The following ABCA13 variants were observed in gnomAD, a reference collection of about 807,000 sequenced individuals.
ABCA13 encodes ATP binding cassette subfamily A member 13.
A neutral mutation model predicts 478.7 loss-of-function variants in ABCA13; 476 were observed. The observed-to-expected ratio is 0.99, with a 90% confidence interval of 0.92 to 1.07. The LOEUF (loss-of-function observed/expected upper bound fraction) is 1.07, where lower values mean the gene tolerates loss of function less well. Ranked by LOEUF, ABCA13 falls within the 50% of genes least tolerant of loss-of-function variation. ABCA13 has a pLI of 0.00. For synonymous variants in ABCA13, 2,252 were observed against 2,158.9 expected (o/e 1.04, Z -1.20); for missense variants, 6,060 against 5,910.6 (o/e 1.03, Z -0.83).
intron 58 of ABCA13, among the ~76,000 whole-genome samples, chr7:48,611,637 T>C (rs62447353): frequency 0.055 from 8,307 of 151,940 alleles, 267 homozygotes; most frequent in South Asian, 0.11. Context: ...AACAAACAGA[T>C]CTCACAAGAA....
At chr7:48,595,345 A>G (rs1790172651) in intron 58 of ABCA13, among the ~76,000 whole-genome samples, 1 of 152,264 alleles carries the variant, frequency 6.6e-6, no homozygotes, top group Non-Finnish European at 1.5e-5. Flanking sequence ...TATAGATTTC[A>G]TAAAACCTAC....
At chr7:48,391,816 A>C in intron 37 of ABCA13, 105 bp from the exon 38 acceptor site, 1 of 1,054,136 alleles carries the variant, frequency 9.5e-7, no homozygotes, top group Non-Finnish European at 1.4e-6. Flanking sequence ...GCAGAAGGTG[A>C]GTGCTCTTGG....
chr7:48,514,964 C>A (rs1831997543), intron 51 of ABCA13, among the ~76,000 whole-genome samples: 2 of 152,024 alleles, frequency 1.3e-5, no homozygotes, highest in South Asian at 4.1e-4. Context: ...TTTTATATAT[C>A]ATATTATATA....
chr7:48,580,153 C>A, intron 55 of ABCA13, 71 bp from the exon 56 acceptor site: 1 of 1,448,606 alleles, frequency 6.9e-7, no homozygotes, highest in South Asian at 1.5e-5. Flanking sequence ...ATTGATGAGC[C>A]ACATTTTAAA....
At chr7:48,202,190 T>C (rs1798858677) in intron 3 of ABCA13, among the ~76,000 whole-genome samples, 1 of 152,164 alleles carries the variant, frequency 6.6e-6, no homozygotes, top group Admixed American at 6.5e-5. Context: ...TTGCCGCTGC[T>C]GGCTAGGGCA....
At chr7:48,342,014 T>G (rs1807314166) in intron 29 of ABCA13, among the ~76,000 whole-genome samples, 1 of 150,660 alleles carries the variant, frequency 6.6e-6, no homozygotes, top group African/African-American at 2.4e-5. Context: ...AATTTTGATA[T>G]CTTGTATTTT....
At chr7:48,497,283 A>G (rs910708094) in intron 48 of ABCA13, among the ~76,000 whole-genome samples, 10 of 151,978 alleles carry the variant, frequency 6.6e-5, no homozygotes, top group African/African-American at 2.4e-4. Context: ...ATTTTCATTC[A>G]TTTTTTAATC....
chr7:48,628,762 TG>T (rs1481228778), intron 59 of ABCA13, among the ~76,000 whole-genome samples: 1 of 152,226 alleles, frequency 6.6e-6, no homozygotes, highest in African/African-American at 2.4e-5. Flanking sequence ...GGTACATAAA[TG>T]TGCTCAACGT....
At chr7:48,539,958 G>T (rs1471719239) in intron 55 of ABCA13, among the ~76,000 whole-genome samples, 7 of 152,162 alleles carry the variant, frequency 4.6e-5, no homozygotes, top group African/African-American at 1.7e-4. Flanking sequence ...GTCAATAGGT[G>T]AAAACTCAAC....
rs963245997 is a variant in ABCA13, at chr7:48,326,590, G to A, written c.10000-8832G>A. Among the ~76,000 whole-genome samples, 7 of 152,280 alleles carry A rather than the reference G, an allele frequency of 4.6e-5. No individual in the cohort carries two copies. The South Asian group carries it at 1.0e-3, about 23-fold the overall frequency. On this transcript the variant is annotated intron_variant, in intron 27 of 61. Coordinates refer to ENST00000435803, the MANE Select transcript of ABCA13 (RefSeq NM_152701.5). ...ATAGGGGTTGGCAATTGTCATACAC[G>A]TTTTGCAGGTAAAGAAAGTGAGTCT...
chr7:48,621,061 C>T (rs1263383580), intron 59 of ABCA13, among the ~76,000 whole-genome samples: 1 of 152,112 alleles, frequency 6.6e-6, no homozygotes, highest in Non-Finnish European at 1.5e-5. Flanking sequence ...TACATCCCTA[C>T]CCCACCTCAG....
intron 2 of ABCA13, among the ~76,000 whole-genome samples, chr7:48,196,125 T>C (rs922978472): frequency 6.6e-6 from 1 of 152,132 alleles, no homozygotes; most frequent in African/African-American, 2.4e-5. Context: ...AATGATTTAG[T>C]TGTAAATGAT....
rs753441683 is a variant in ABCA13 at position 48,198,339 on chromosome 7, G to A, written c.266G>A (p.Gly89Glu). The A allele has an allele frequency of 6.8e-6, 11 of 1,613,522 alleles. No individual in the cohort carries two copies. Among genetic ancestry groups the A allele is most frequent in the Non-Finnish European group, 8.5e-6 (10 of 1,179,766 alleles). Residue 89 changes from glycine to glutamate, a missense_variant, in exon 3 of 62, where the codon GGG (glycine) becomes GAG (glutamate). Gly to Glu is a moderately conservative substitution (Grantham distance 98, BLOSUM62 -2). This residue lies in a region of ABCA13 where 4,423 missense variants were observed against 4,309.1 expected (regional missense o/e 1.03). Transcript: ENST00000435803. ...GSRCRNFSYE[G>E]SMEHHFRLSR... ...AGGTGTAGGAACTTCAGCTATGAAGGGTCAATGGAGCATCATTTTCGGTAA... is the reference window on the plus strand; with the variant it reads ...AGGTGTAGGAACTTCAGCTATGAAGAGTCAATGGAGCATCATTTTCGGTAA...
At chr7:48,333,226 A>G (rs1264179168) in intron 27 of ABCA13, among the ~76,000 whole-genome samples, 3 of 152,112 alleles carry the variant, frequency 2.0e-5, no homozygotes, top group Non-Finnish European at 4.4e-5. Context: ...CCATTCTTCT[A>G]CTGAGACCAT....
chr7:48,536,708 T>C (rs998687830), intron 55 of ABCA13, among the ~76,000 whole-genome samples: 6 of 152,096 alleles, frequency 3.9e-5, no homozygotes, highest in Non-Finnish European at 8.8e-5. Context: ...ATAGTTCTTT[T>C]CCTTTTGACA....
rs1393596878 is a variant in ABCA13 at position 48,189,921 on chromosome 7, G to A, written c.70-3038G>A. Among the ~76,000 whole-genome samples the A allele has an allele frequency of 4.6e-5, 7 of 152,246 alleles. No individual in the cohort carries two copies. The East Asian group carries it at 1.2e-3, about 25-fold the overall frequency. On this transcript the variant is annotated intron_variant, in intron 1 of 61. Transcript: ENST00000435803. Reference sequence around the variant, plus strand: ...ATACAAAATGATGCTTTGTAAGTCTGTAAAAATAAAGAACAACTTAATAGA... The same window carrying A: ...ATACAAAATGATGCTTTGTAAGTCTATAAAAATAAAGAACAACTTAATAGA...
chr7:48,215,714 A>T lies in ABCA13; in HGVS notation c.288-3640A>T, dbSNP rs1214889211. Among the ~76,000 whole-genome samples the T allele has an allele frequency of 3.9e-5, 6 of 152,332 alleles. No homozygotes were observed. In the East Asian group the frequency reaches 9.6e-4, roughly 24 times the overall value. Reference sequence around the variant, plus strand: ...ATTTTAGAAAAATTTCCCCAACCTGACAAGAAAATCTAAATGTATTAGCAT... The same window carrying T: ...ATTTTAGAAAAATTTCCCCAACCTGTCAAGAAAATCTAAATGTATTAGCAT... On this transcript the variant is annotated intron_variant, in intron 3 of 61. Transcript: ENST00000435803.
intron 42 of ABCA13, among the ~76,000 whole-genome samples, chr7:48,440,522 A>G (rs12668861): frequency 0.3 from 45,211 of 151,946 alleles, 6,774 homozygotes; most frequent in East Asian, 0.38. Context: ...GGACATACAC[A>G]TTATTTCTTT....
intron 38 of ABCA13, 145 bp from the exon 39 acceptor site, chr7:48,403,538 C>T: frequency 2.5e-6 from 2 of 802,422 alleles, no homozygotes; most frequent in East Asian, 5.6e-5. Context: ...TGGTGAGACT[C>T]ACGTGTGTGT....
Sources: gnomAD v4.1 joint callset for allele counts (sites outside exome capture counted in the v4.1 genomes callset) on GRCh38, gnomAD v4.1.1 for gene constraint, gnomAD v4.1.1 regional missense constraint, MANE v1.5 for transcripts, NCBI Gene and HGNC (gene_info 2026-07-23, HGNC 2026-07-21) for gene names.